The following TSPAN4 variants were observed in gnomAD, a reference collection of about 807,000 sequenced individuals.
TSPAN4 encodes tetraspanin 4.
In TSPAN4, 38 loss-of-function variants were observed where a neutral mutation model predicts 31.5. That is an observed-to-expected ratio of 1.21 (90% CI 0.93 to 1.58). The LOEUF is 1.58. TSPAN4 is among the 40% of genes most tolerant of loss of function. TSPAN4 has a pLI of 0.00. For synonymous variants in TSPAN4, 186 were observed against 144.6 expected, an observed-to-expected ratio of 1.29 and a Z score of -2.06; for missense variants, 330 against 317.3, an observed-to-expected ratio of 1.04 and a Z score of -0.30.
chr11:851,658 A>G (rs1260889459), intron 3 of TSPAN4, among the ~76,000 whole-genome samples: 20 of 121,842 alleles, frequency 1.6e-4, no homozygotes, highest in South Asian at 2.6e-4. Flanking sequence ...GGTGAGGCCC[A>G]GGCCTGAGGG....
At chr11:862,303 G>A (rs898575550) in intron 3 of TSPAN4, 3 of 538,762 alleles carry the variant, frequency 5.6e-6, no homozygotes, top group Admixed American at 3.5e-5. Context: ...AGGCACAAGG[G>A]AGCCTCCCCG....
rs918536528 is a variant in TSPAN4, at chr11:848,160, C to T, written c.-18+860C>T. On this transcript the variant is annotated intron_variant, in intron 2 of 8. Coordinates refer to ENST00000397397, the MANE Select transcript of TSPAN4 (RefSeq NM_003271.5). The surrounding 1 kb of genome is among the most constrained non-coding windows in gnomAD (Gnocchi z 5.7). ...GTGGCCAGGGGAAGGGGGCCGGGCG[C>T]CATCTGCTCTCTGGGCAGAGCTGCG... Among the ~76,000 whole-genome samples the T allele has an allele frequency of 1.3e-5, 2 of 152,216 alleles. No homozygotes were observed. The highest frequency in any genetic ancestry group is 4.8e-5 in the African/African-American group (2 of 41,458).
chr11:859,562 C>G (rs974853423), intron 3 of TSPAN4: 3 of 153,350 alleles, frequency 2.0e-5, no homozygotes, highest in African/African-American at 7.6e-5. Flanking sequence ...CTCACACACA[C>G]CCTCACTCAT....
At chr11:866,468 AG>A in intron 8 of TSPAN4, 93 bp from the exon 9 acceptor site, 1 of 1,214,820 alleles carries the variant, frequency 8.2e-7, no homozygotes. Flanking sequence ...GGTCGGGGTC[AG>A]GGCCAGGGCA....
chr11:849,001 C>T lies in TSPAN4; in HGVS notation c.-17-1287C>T. 8.2e-6 allele frequency: 5 copies of T among 612,582 alleles called. No homozygotes were observed. In the Admixed American group the frequency reaches 9.2e-5, roughly 11 times the overall value. The allele number at this position is 612,582 out of a possible 1,614,324, so 37.9% of individuals were successfully genotyped here. A position where few individuals can be genotyped will look rare whatever the true frequency, so the allele number is the denominator to read the frequency against. ...GGCTGACTTCCAGCCTGGGCTGGAG[C>T]AAAATGAAATTCTGGGCCCCTTGTT... On this transcript the variant is annotated intron_variant, in intron 2 of 8. Coordinates refer to ENST00000397397, the MANE Select transcript of TSPAN4 (RefSeq NM_003271.5).
chr11:858,994 T>C (rs1360514498), intron 3 of TSPAN4, among the ~76,000 whole-genome samples: 3 of 43,104 alleles, frequency 7.0e-5, no homozygotes, highest in African/African-American at 1.9e-4. Context: ...CACGCACCCC[T>C]GGGTCACACG....
intron 8 of TSPAN4, among the ~76,000 whole-genome samples, chr11:866,219 G>A (rs1013925119): frequency 1.3e-5 from 2 of 150,992 alleles, no homozygotes; most frequent in African/African-American, 2.4e-5. Flanking sequence ...TGGGGTGGAG[G>A]CCGGTGGTCG....
intron 3 of TSPAN4, chr11:858,078 G>A (rs114681244): frequency 0.033 from 5,105 of 152,438 alleles, 276 homozygotes; most frequent in African/African-American, 0.11. Context: ...CTGTGTGCTC[G>A]GGAATGCCCC....
At chr11:864,624 G>C in intron 5 of TSPAN4, 113 bp downstream of exon 5, 1 of 1,381,038 alleles carries the variant, frequency 7.2e-7, no homozygotes, top group South Asian at 1.2e-5. Context: ...GCCCTCACGG[G>C]CAGCCAGGAC....
At chr11:864,408 G>A (rs771444796) in intron 4 of TSPAN4, 29 bp from the exon 5 acceptor site, 2 of 1,610,040 alleles carry the variant, frequency 1.2e-6, no homozygotes, top group African/African-American at 1.3e-5. Context: ...GGCCTTTCGG[G>A]TCCCTGTCTG....
Position 848,781 on chromosome 11 carries a change from C to T in TSPAN4, c.-18+1481C>T. 1.8e-6 allele frequency: 1 copy of T among 565,208 alleles called. No individual in the cohort carries two copies. Among genetic ancestry groups the T allele is most frequent in the Non-Finnish European group, 3.2e-6 (1 of 311,862 alleles). 35.0% of individuals were successfully genotyped at this position (565,208 alleles called of 1,614,324 possible). Reference sequence around the variant, plus strand: ...GATATCTTCCCAACACCGCAGGGCCCTTGTGCCCTGTGGTGGGGCTGGGGC... The same window carrying T: ...GATATCTTCCCAACACCGCAGGGCCTTTGTGCCCTGTGGTGGGGCTGGGGC... On this transcript the variant is annotated intron_variant, in intron 2 of 8. Coordinates refer to ENST00000397397, the MANE Select transcript of TSPAN4 (RefSeq NM_003271.5). This position sits in a 1 kb window ranked among gnomAD's most constrained non-coding sequence, Gnocchi z 5.7.
At chr11:846,448 C>T (rs116721967) in intron 1 of TSPAN4, among the ~76,000 whole-genome samples, 1,631 of 152,328 alleles carry the variant, frequency 0.011, 38 homozygotes, top group African/African-American at 0.037. Flanking sequence ...CCCTCCTGCC[C>T]TTGGGCTACT....
chr11:859,277 G>A (rs1312075390), intron 3 of TSPAN4, among the ~76,000 whole-genome samples: 1 of 50,006 alleles, frequency 2.0e-5, no homozygotes, highest in Non-Finnish European at 3.6e-5. Flanking sequence ...TGGCCCACAC[G>A]CACCTTGGCT....
chr11:856,239 T>C (rs1035438598), intron 3 of TSPAN4, among the ~76,000 whole-genome samples: 5 of 152,218 alleles, frequency 3.3e-5, no homozygotes, highest in African/African-American at 4.8e-5. Context: ...CTCCTAATCT[T>C]GGGCAGAGCC....
In TSPAN4 at chr11:866,644, C is replaced by T. The variant is rs200755954; in HGVS notation, c.*14C>T. ...TACTGCGCGTAGGCCGCCCACCGCCCGCTTCTCTGCCAAAAGGACGCCCAC... is the reference window on the plus strand; with the variant it reads ...TACTGCGCGTAGGCCGCCCACCGCCTGCTTCTCTGCCAAAAGGACGCCCAC... On this transcript the variant is annotated 3_prime_UTR_variant, in exon 9 of 9. Transcript: ENST00000397397. 8.8e-4 allele frequency: 1,408 copies of T among 1,608,640 alleles called. 3 individuals carry two copies. The highest frequency in any genetic ancestry group is 6.4e-3 in the African/African-American group (481 of 74,864).
intron 3 of TSPAN4, among the ~76,000 whole-genome samples, chr11:850,766 G>T (rs994814037): frequency 1.5e-4 from 23 of 152,328 alleles, no homozygotes; most frequent in Middle Eastern, 3.4e-3. Context: ...CCTCCTCTGC[G>T]CCCGCTCCCT....
chr11:853,034 T>C (rs1311914048), intron 3 of TSPAN4, among the ~76,000 whole-genome samples: 1 of 151,226 alleles, frequency 6.6e-6, no homozygotes, highest in Non-Finnish European at 1.5e-5. Flanking sequence ...ACTGGGGGGC[T>C]GTGCCCGTCC....
Position 848,158 on chromosome 11 carries a change from C to T in TSPAN4, c.-18+858C>T, listed in dbSNP as rs1040117284. On this transcript the variant is annotated intron_variant, in intron 2 of 8. Transcript: ENST00000397397. This position sits in a 1 kb window ranked among gnomAD's most constrained non-coding sequence, Gnocchi z 5.7. ...GCGTGGCCAGGGGAAGGGGGCCGGG[C>T]GCCATCTGCTCTCTGGGCAGAGCTG... Among the ~76,000 whole-genome samples, 5 of 152,228 alleles carry T rather than the reference C, an allele frequency of 3.3e-5. No homozygotes were observed. The highest frequency in any genetic ancestry group is 1.9e-4 in the East Asian group (1 of 5,200).
At chr11:852,432 C>G (rs1847806332) in intron 3 of TSPAN4, among the ~76,000 whole-genome samples, 1 of 152,198 alleles carries the variant, frequency 6.6e-6, no homozygotes, top group South Asian at 2.1e-4. Flanking sequence ...AATCAATCAC[C>G]ACCTTCCCGC....
Sources: allele counts gnomAD v4.1 joint callset (sites outside exome capture counted in the v4.1 genomes callset), GRCh38; gene constraint gnomAD v4.1.1; non-coding constraint Gnocchi (gnomAD v3.1); transcripts MANE v1.5; gene names NCBI Gene and HGNC (gene_info 2026-07-23, HGNC 2026-07-21).